The following RRP12 variants were observed in gnomAD, a reference collection of about 807,000 sequenced individuals.
RRP12 encodes RRP12-like protein.
A neutral mutation model predicts 157.3 loss-of-function variants in RRP12; 78 were observed. The ratio of observed to expected loss-of-function variants is 0.50; its 90% confidence interval spans 0.41 to 0.60. RRP12 has a LOEUF of 0.60. Ranked by LOEUF, RRP12 falls within the 20% of genes least tolerant of loss-of-function variation. The pLI, the probability that RRP12 is intolerant of heterozygous loss-of-function variation, is 0.00. For missense variants in RRP12, 1,521 were observed against 1,679.9 expected (o/e 0.91, Z 1.65); for synonymous variants, 726 against 670.9 (o/e 1.08, Z -1.27).
chr10:97,388,688 G>C, intron 6 of RRP12, 64 bp from the exon 7 acceptor site: 1 of 1,585,970 alleles, frequency 6.3e-7, no homozygotes, highest in Non-Finnish European at 8.6e-7. Flanking sequence ...TTGGGTGTCC[G>C]GCACAAGCAC....
At chr10:97,370,847 A>G (rs754222376) in intron 21 of RRP12, 51 bp from the exon 22 acceptor site, 48 of 1,609,724 alleles carry the variant, frequency 3.0e-5, no homozygotes, top group African/African-American at 4.0e-5. Flanking sequence ...CCTCCACCCA[A>G]CAAGCCTCAA....
In RRP12 at chr10:97,372,884, G is replaced by A. The variant is rs1013681493; in HGVS notation, c.2182-81C>T. ...GCAGCAATGGCAGCAGTCCCAGAGC[G>A]GCCTCCCCATCAGCCCCCAGCCCTG... is the stretch of plus-strand genomic sequence containing the variant. On this transcript the variant is annotated intron_variant, in intron 18 of 33. Transcript: ENST00000370992. The A allele has an allele frequency of 2.9e-5, 43 of 1,461,854 alleles. No homozygotes were observed. The African/African-American group carries it at 4.2e-4, about 14-fold the overall frequency. 90.6% of individuals were successfully genotyped at this position (1,461,854 alleles called of 1,614,324 possible).
chr10:97,383,657 T>G (rs989662723), intron 10 of RRP12, among the ~76,000 whole-genome samples: 3 of 152,168 alleles, frequency 2.0e-5, no homozygotes, highest in African/African-American at 7.2e-5. Context: ...GAATTACTAT[T>G]AAGTGGCCAA....
At chr10:97,397,318 G>A (rs978615181) in intron 2 of RRP12, among the ~76,000 whole-genome samples, 5 of 151,778 alleles carry the variant, frequency 3.3e-5, no homozygotes, top group Admixed American at 1.3e-4. Flanking sequence ...GTGCCACTAC[G>A]CTAGGCTAAT....
chr10:97,363,462 T>C (rs1843893674), intron 30 of RRP12, among the ~76,000 whole-genome samples: 1 of 144,038 alleles, frequency 6.9e-6, no homozygotes, highest in Non-Finnish European at 1.6e-5. Context: ...TGTACGCTCC[T>C]CTGGTCACTG....
rs1844771149 is a variant in RRP12 at position 97,390,467 on chromosome 10, C to T, written c.709G>A (p.Val237Met). 2.5e-6 allele frequency: 4 copies of T among 1,614,050 alleles called. No individual in the cohort carries two copies. Among genetic ancestry groups the T allele is most frequent in the Non-Finnish European group, 3.4e-6 (4 of 1,180,040 alleles). Residue 237 changes from valine (V) to methionine (M), a missense_variant, in exon 6 of 34, where the codon GTG becomes ATG. Val to Met is a conservative substitution (Grantham distance 21, BLOSUM62 1). Coordinates refer to ENST00000370992, the MANE Select transcript of RRP12 (RefSeq NM_015179.4). ...EAWGYPVTLQ[V>M]YHGLLSFTVH... ...GTGAAGCTCAGCAGCCCATGGTACA[C>T]CTGAAGGGTCACGGGGTAGCCCCAG...
At position 97,357,172 on chromosome 10, in the gene RRP12, C is replaced by A; in HGVS notation, c.3816G>T (p.Gln1272His). 6.2e-7 allele frequency: 1 copy of A among 1,612,290 alleles called. No individual in the cohort carries two copies. The highest frequency in any genetic ancestry group is 8.5e-7 in the Non-Finnish European group (1 of 1,178,714). The change falls in exon 34 of 34, where the codon CAG becomes CAT. Residue 1272 changes from glutamine (Q) to histidine (H), a missense_variant. By Grantham distance (24) the Gln-to-His change is conservative (BLOSUM62 0). Transcript: ENST00000370992. ...GGGCAGCCTTCACCAGGCCTTTGAA[C>A]TGTCCCTGCAGCTTCATCTTCTTCC... ...NRRKKMKLQG[Q>H]FKGLVKAARR... is the part of the protein sequence containing the mutation.
Position 97,373,752 on chromosome 10 carries a change from G to A in RRP12, c.1864-15C>T. 6.2e-7 allele frequency: 1 copy of A among 1,612,418 alleles called. No homozygotes were observed. The highest frequency in any genetic ancestry group is 8.5e-7 in the Non-Finnish European group (1 of 1,178,616). On this transcript the variant is annotated splice_polypyrimidine_tract_variant and intron_variant, in intron 16 of 33. Transcript: ENST00000370992. ...AGTGTCCACATCTGGAGAAGGAGGG[G>A]ACAATAAAGGAAGGTGACACGCAGC...
At chr10:97,368,675 G>C (rs960485507) in intron 25 of RRP12, among the ~76,000 whole-genome samples, 1 of 152,130 alleles carries the variant, frequency 6.6e-6, no homozygotes, top group Non-Finnish European at 1.5e-5. Context: ...GTATAAATTC[G>C]AATAACTCCA....
At position 97,366,233 on chromosome 10, in the gene RRP12, G is replaced by A; in HGVS notation, c.3392C>T (p.Ala1131Val). 1.2e-6 allele frequency: 2 copies of A among 1,611,444 alleles called. No individual in the cohort carries two copies. The highest frequency in any genetic ancestry group is 8.5e-7 in the Non-Finnish European group (1 of 1,179,954). Residue 1131 changes from alanine (A) to valine (V), a missense_variant and splice_region_variant, in exon 29 of 34, where the codon GCC becomes GTC. Physicochemically the swap from Ala to Val is moderately conservative, Grantham distance 64 (BLOSUM62 0). Transcript: ENST00000370992. Reference sequence around the variant, plus strand: ...GCCCCGGCCTGGCCCTGGCTGCGTGGCTGGGGTGTAGAGTTTGGCATGAGG... The same window carrying A: ...GCCCCGGCCTGGCCCTGGCTGCGTGACTGGGGTGTAGAGTTTGGCATGAGG... The part of the protein sequence containing the change: ...LDPKVAQRVL[A>V]TQPGPGRGRK...
chr10:97,381,902 C>T lies in RRP12; in HGVS notation c.1209-76G>A, dbSNP rs370670697. On this transcript the variant is annotated intron_variant, in intron 10 of 33. Coordinates refer to ENST00000370992, the MANE Select transcript of RRP12 (RefSeq NM_015179.4). ...GGGCAACCAGGGCTCAGGGCTGAGA[C>T]GGCCCAGCTCTGAAAACAGTCACAA... is the stretch of plus-strand genomic sequence containing the variant. 154 of 1,006,976 alleles carry T rather than the reference C, an allele frequency of 1.5e-4. 2 individuals are homozygous for T. The African/African-American group carries it at 1.9e-3, about 13-fold the overall frequency. 62.4% of individuals were successfully genotyped at this position (1,006,976 alleles called of 1,614,324 possible). A position where few individuals can be genotyped will look rare whatever the true frequency, so the allele number is the denominator to read the frequency against.
chr10:97,366,965 A>C, intron 26 of RRP12, 56 bp from the exon 27 acceptor site: 2 of 1,609,560 alleles, frequency 1.2e-6, no homozygotes, highest in Non-Finnish European at 1.7e-6. Context: ...CACGACCCAG[A>C]TGTAGTGTCC....
intron 11 of RRP12, 29 bp from the exon 12 acceptor site, chr10:97,381,512 G>C (rs1289885265): frequency 1.9e-6 from 3 of 1,545,706 alleles, no homozygotes; most frequent in Non-Finnish European, 2.6e-6. Context: ...GGCTTTCTGG[G>C]CCCAAGGCAG....
chr10:97,381,993 TC>T (rs1375429531), intron 10 of RRP12, among the ~76,000 whole-genome samples, 167 bp from the exon 11 acceptor site: 1 of 152,198 alleles, frequency 6.6e-6, no homozygotes, highest in East Asian at 1.9e-4. Flanking sequence ...GCACTATCGT[TC>T]AAGTAATAAC....
At chr10:97,401,009 C>T in intron 1 of RRP12, 84 bp downstream of exon 1, 1 of 1,518,628 alleles carries the variant, frequency 6.6e-7, no homozygotes, top group Non-Finnish European at 8.9e-7. Flanking sequence ...TGGCCCCGCA[C>T]TCTCCCAGAG....
Position 97,371,081 on chromosome 10 carries a change from T to C in RRP12, c.2344A>G (p.Ser782Gly). 1 of 1,613,168 alleles carries C rather than the reference T, an allele frequency of 6.2e-7. No individual in the cohort carries two copies. Among genetic ancestry groups the C allele is most frequent in the South Asian group, 1.1e-5 (1 of 90,938 alleles). The change falls in exon 21 of 34, where the codon AGC becomes GGC. Residue 782 changes from serine to glycine, a missense_variant and splice_region_variant. By Grantham distance (56) the Ser-to-Gly change is moderately conservative. Transcript: ENST00000370992. ...TTCTTCTGCACCCCGTGGGCCTTGC[T>C]CTGGCAGACAGGAACCGGTGAGGGA... ...LYSTIRPYLE[S>G]KAHGVQKKAY...
chr10:97,388,344 T>A lies in RRP12; in HGVS notation c.925A>T (p.Thr309Ser), dbSNP rs1844697689. Reference protein sequence around the residue: ...KEATTTLHMLTLLKDLLPCFP... With the variant: ...KEATTTLHMLSLLKDLLPCFP... ...CAGGGCAGCAGGTCCTTCAGCAGCG[T>A]CAGCATGTGCAGCGTGGTGGTGGCC... Residue 309 changes from threonine to serine, a missense_variant, in exon 8 of 34, where the codon ACG becomes TCG. Physicochemically the swap from Thr to Ser is moderately conservative, Grantham distance 58. Transcript: ENST00000370992. The A allele has an allele frequency of 1.9e-6, 3 of 1,613,932 alleles. No homozygotes were observed. The African/African-American group carries it at 4.0e-5, about 22-fold the overall frequency.
At chr10:97,363,823 C>A (rs772864641) in intron 30 of RRP12, 31 bp downstream of exon 30, 3 of 1,598,864 alleles carry the variant, frequency 1.9e-6, no homozygotes, top group Non-Finnish European at 2.6e-6. Context: ...AGGTCTGAAG[C>A]CCTAGCCCCC....
At chr10:97,368,030 CTT>C (rs34307529) in intron 25 of RRP12, among the ~76,000 whole-genome samples, 14 of 119,172 alleles carry the variant, frequency 1.2e-4, no homozygotes, top group Non-Finnish European at 1.0e-4. Context: ...CTGTGCCTGG[CTT>C]TTTTTTTTTT....
Sources: allele counts gnomAD v4.1 joint callset (sites outside exome capture counted in the v4.1 genomes callset), GRCh38; gene constraint gnomAD v4.1.1; transcripts MANE v1.5; gene names NCBI Gene and HGNC (gene_info 2026-07-23, HGNC 2026-07-21).